Variants in SORCS3 observed in about 807,000 individuals in gnomAD.
SORCS3 encodes the protein sortilin related VPS10 domain containing receptor 3.
A neutral mutation model predicts 146.3 loss-of-function variants in SORCS3; 57 were observed. The observed-to-expected ratio is 0.39, with a 90% confidence interval of 0.31 to 0.49. The LOEUF (loss-of-function observed/expected upper bound fraction) is 0.49, where lower values mean the gene tolerates loss of function less well. Among genes scored for constraint, SORCS3 ranks in the 20% least tolerant of loss-of-function variants. The pLI is 0.92. For synonymous variants in SORCS3, 653 were observed against 618.5 expected, an observed-to-expected ratio of 1.06 and a Z score of -0.83; for missense variants, 1,341 against 1,575.5, an observed-to-expected ratio of 0.85 and a Z score of 2.52.
chr10:105,200,576 G>C (rs1363638266), intron 15 of SORCS3, among the ~76,000 whole-genome samples: 3 of 152,284 alleles, frequency 2.0e-5, no homozygotes, highest in East Asian at 3.9e-4. Context: ...GATATTTACT[G>C]CTGTGAGAAA....
At chr10:104,655,290 C>T (rs1167612383) in intron 1 of SORCS3, among the ~76,000 whole-genome samples, 3 of 150,746 alleles carry the variant, frequency 2.0e-5, no homozygotes, top group Admixed American at 1.3e-4. Context: ...TTAATTTTAG[C>T]TTCGGGGGTA....
chr10:105,166,672 G>T (rs1449574602), intron 12 of SORCS3, among the ~76,000 whole-genome samples: 1 of 152,090 alleles, frequency 6.6e-6, no homozygotes, highest in African/African-American at 2.4e-5. Context: ...TTAGGTCCCT[G>T]GAAGTACTGT....
intron 1 of SORCS3, among the ~76,000 whole-genome samples, chr10:104,713,059 A>C (rs554612554): frequency 2.6e-5 from 4 of 152,310 alleles, no homozygotes; most frequent in Admixed American, 2.0e-4. Context: ...GTTTATTAAA[A>C]AACCCCAAAC....
At chr10:105,027,748 T>C (rs2055240295) in intron 4 of SORCS3, among the ~76,000 whole-genome samples, 1 of 152,182 alleles carries the variant, frequency 6.6e-6, no homozygotes, top group South Asian at 2.1e-4. Flanking sequence ...TGCACTTTTG[T>C]GCTTTGTTTG....
At position 104,989,060 on chromosome 10, in the gene SORCS3, T is replaced by C. The variant is rs549190353; in HGVS notation, c.954+11567T>C. Among the ~76,000 whole-genome samples the C allele has an allele frequency of 5.3e-5, 8 of 152,358 alleles. No individual in the cohort carries two copies. The South Asian group carries it at 1.7e-3, about 32-fold the overall frequency. ...AAGTGTGGAACACTTGTGTTGTCAA[T>C]TGGCATAAGTGAAGTGAGTCTTAAT... On this transcript the variant is annotated intron_variant, in intron 4 of 26. Coordinates refer to ENST00000369701, the MANE Select transcript of SORCS3 (RefSeq NM_014978.3).
chr10:105,136,784 A>C (rs2056061557), intron 7 of SORCS3, among the ~76,000 whole-genome samples: 1 of 152,178 alleles, frequency 6.6e-6, no homozygotes, highest in Non-Finnish European at 1.5e-5. Flanking sequence ...TCTCTGGGAG[A>C]TACTACAGTA....
At chr10:105,041,583 C>T (rs942945412) in intron 4 of SORCS3, among the ~76,000 whole-genome samples, 13 of 151,140 alleles carry the variant, frequency 8.6e-5, no homozygotes, top group South Asian at 2.1e-4. Context: ...TTTATGGCTC[C>T]GTTGTTCAAT....
chr10:105,100,238 A>G (rs140700230), intron 6 of SORCS3, among the ~76,000 whole-genome samples: 62 of 152,358 alleles, frequency 4.1e-4, no homozygotes, highest in African/African-American at 1.5e-3. Context: ...TGACCACACC[A>G]GCTCTTAGAA....
At chr10:105,163,551 C>T (rs73350900) in intron 11 of SORCS3, among the ~76,000 whole-genome samples, 193 of 152,064 alleles carry the variant, frequency 1.3e-3, no homozygotes, top group African/African-American at 4.4e-3. Flanking sequence ...ATTGGGAAAA[C>T]GAAATCAATA....
At chr10:104,836,798 C>A (rs2018073803) in intron 1 of SORCS3, among the ~76,000 whole-genome samples, 1 of 152,000 alleles carries the variant, frequency 6.6e-6, no homozygotes, top group African/African-American at 2.4e-5. Context: ...TCAACACAGC[C>A]CATACTGCTC....
At chr10:104,966,378 G>C (rs2054826374) in intron 3 of SORCS3, among the ~76,000 whole-genome samples, 1 of 152,104 alleles carries the variant, frequency 6.6e-6, no homozygotes, top group Admixed American at 6.5e-5. Flanking sequence ...TAGCTATGCT[G>C]TCATTGTTTT....
At chr10:104,691,048 C>A (rs569296401) in intron 1 of SORCS3, among the ~76,000 whole-genome samples, 1 of 152,304 alleles carries the variant, frequency 6.6e-6, no homozygotes, top group African/African-American at 2.4e-5. Context: ...GGGGGATGGG[C>A]TTTGCCAGCA....
chr10:105,197,039 C>T (rs998369021), intron 14 of SORCS3, among the ~76,000 whole-genome samples: 2 of 151,962 alleles, frequency 1.3e-5, no homozygotes, highest in African/African-American at 4.8e-5. Flanking sequence ...TTCACATGGC[C>T]TTCTCCTCAC....
chr10:104,770,675 A>G (rs1223660118), intron 1 of SORCS3, among the ~76,000 whole-genome samples: 1 of 151,550 alleles, frequency 6.6e-6, no homozygotes, highest in African/African-American at 2.4e-5. Context: ...TAAAATATAT[A>G]TATATACATA....
chr10:105,026,327 A>G (rs1317904255), intron 4 of SORCS3, among the ~76,000 whole-genome samples: 3 of 152,152 alleles, frequency 2.0e-5, no homozygotes, highest in Admixed American at 6.5e-5. Flanking sequence ...TGGGTTCCCC[A>G]CTTTCTGCTC....
intron 20 of SORCS3, among the ~76,000 whole-genome samples, chr10:105,241,603 A>C (rs920587574): frequency 6.6e-6 from 1 of 152,150 alleles, no homozygotes; most frequent in Non-Finnish European, 1.5e-5. Flanking sequence ...GAATGAGGTC[A>C]CATGGATGGT....
chr10:105,222,357 C>T (rs1042332794), intron 19 of SORCS3, among the ~76,000 whole-genome samples: 5 of 152,100 alleles, frequency 3.3e-5, no homozygotes, highest in South Asian at 2.1e-4. Context: ...CGCGCCCGGC[C>T]GCATTAACAC....
intron 1 of SORCS3, among the ~76,000 whole-genome samples, chr10:104,671,951 T>C (rs1450840271): frequency 6.6e-6 from 1 of 152,198 alleles, no homozygotes; most frequent in Non-Finnish European, 1.5e-5. Flanking sequence ...ATAGTGTCTT[T>C]GACTGGCTTT....
intron 1 of SORCS3, among the ~76,000 whole-genome samples, chr10:104,673,919 G>A (rs900376724): frequency 2.0e-5 from 3 of 152,192 alleles, no homozygotes; most frequent in African/African-American, 7.2e-5. Flanking sequence ...GGTTGGTGAT[G>A]CCATAATTAC....
Sources: gnomAD v4.1 joint callset for allele counts (sites outside exome capture counted in the v4.1 genomes callset) on GRCh38, gnomAD v4.1.1 for gene constraint, MANE v1.5 for transcripts, NCBI Gene and HGNC (gene_info 2026-07-23, HGNC 2026-07-21) for gene names.